BCAR3: variants seen among roughly 807,000 people sequenced by gnomAD.
BCAR3 encodes BCAR3 adaptor protein, NSP family member.
BCAR3 carries 37 observed loss-of-function variants against 80.1 expected under a neutral mutation model. The ratio of observed to expected loss-of-function variants is 0.46; its 90% CI spans 0.36 to 0.61. The LOEUF is 0.61. Ranked by LOEUF, BCAR3 falls within the 20% of genes least tolerant of loss-of-function variation. The pLI, the probability that BCAR3 is intolerant of heterozygous loss-of-function variation, is 0.00. For missense variants in BCAR3, 978 were observed against 1,068.2 expected (o/e 0.92, Z 1.18); for synonymous variants, 389 against 418.9 (o/e 0.93, Z 0.87).
chr1:93,704,054 T>A (rs1282310536), intron 3 of BCAR3, among the ~76,000 whole-genome samples: 1 of 152,210 alleles, frequency 6.6e-6, no homozygotes, highest in South Asian at 2.1e-4. Context: ...TAGTGGTATA[T>A]AGGACATTTC....
intron 2 of BCAR3, among the ~76,000 whole-genome samples, chr1:93,714,073 C>T (rs1650116483): frequency 6.6e-6 from 1 of 152,134 alleles, no homozygotes; most frequent in African/African-American, 2.4e-5. Context: ...AGCTCCGCCT[C>T]CTGGGTTCAT....
chr1:93,786,913 T>C (rs1652969349), intron 2 of BCAR3, among the ~76,000 whole-genome samples: 1 of 152,204 alleles, frequency 6.6e-6, no homozygotes, highest in Non-Finnish European at 1.5e-5. Flanking sequence ...TCTGGGCCAA[T>C]GTTCCTCCAA....
chr1:93,666,501 A>T (rs1439301314), intron 2 of BCAR3, among the ~76,000 whole-genome samples: 1 of 152,192 alleles, frequency 6.6e-6, no homozygotes, highest in Non-Finnish European at 1.5e-5. Context: ...GTAGTTACGT[A>T]CTTAATGATG....
At chr1:93,686,444 C>T (rs901498605), upstream of BCAR3, among the ~76,000 whole-genome samples, 14 of 152,164 alleles carry the variant, frequency 9.2e-5, no homozygotes, top group African/African-American at 3.4e-4. Context: ...GCAATGATAA[C>T]AATTACGATA....
intron 3 of BCAR3, chr1:93,605,332 C>T (rs2101871606): frequency 6.6e-6 from 1 of 152,334 alleles, no homozygotes; most frequent in East Asian, 1.9e-4. Context: ...CTGTGAAAAC[C>T]CTGTCTAAAC....
At chr1:93,566,551 G>C (rs370986833) in intron 11 of BCAR3, among the ~76,000 whole-genome samples, 1 of 152,072 alleles carries the variant, frequency 6.6e-6, no homozygotes, top group African/African-American at 2.4e-5. Context: ...ATCCGTTTAC[G>C]CAACACTGCC....
At chr1:93,709,813 A>G (rs1316786251) in intron 2 of BCAR3, among the ~76,000 whole-genome samples, 1 of 152,236 alleles carries the variant, frequency 6.6e-6, no homozygotes, top group African/African-American at 2.4e-5. Context: ...TATTAGGACT[A>G]GGGCTTTGCT....
intron 3 of BCAR3, chr1:93,613,996 G>A (rs1173257664): frequency 1.3e-5 from 20 of 1,542,798 alleles, no homozygotes; most frequent in African/African-American, 6.9e-5. Context: ...GGCTTCGGAC[G>A]TTAAAGCCCT....
chr1:93,567,214 C>T, intron 11 of BCAR3, 65 bp downstream of exon 11: 2 of 1,517,794 alleles, frequency 1.3e-6, no homozygotes, highest in Non-Finnish European at 1.8e-6. Flanking sequence ...CAGCCATGCT[C>T]TTCCATTCCT....
chr1:93,642,563 A>C (rs534445542), intron 2 of BCAR3, among the ~76,000 whole-genome samples: 36 of 152,334 alleles, frequency 2.4e-4, no homozygotes, highest in African/African-American at 8.7e-4. Flanking sequence ...TTCAGGCCCC[A>C]GAATGTTAGA....
At chr1:93,686,243 AAG>A (rs1648967984), upstream of BCAR3, among the ~76,000 whole-genome samples, 1 of 152,196 alleles carries the variant, frequency 6.6e-6, no homozygotes, top group South Asian at 2.1e-4. Flanking sequence ...AATAATTGAC[AAG>A]AGTTATTAAT....
At chr1:93,646,958 T>C (rs1345128604) in intron 2 of BCAR3, among the ~76,000 whole-genome samples, 1 of 152,230 alleles carries the variant, frequency 6.6e-6, no homozygotes, top group East Asian at 1.9e-4. Context: ...AATAAATGCT[T>C]ACAAACAAAC....
chr1:93,755,580 C>A (rs142111326), intron 2 of BCAR3, among the ~76,000 whole-genome samples: 65 of 152,308 alleles, frequency 4.3e-4, no homozygotes, highest in African/African-American at 1.4e-3. Context: ...AGCCTAGGAA[C>A]AATAGGCTAT....
At chr1:93,777,061 C>G (rs1351997285) in intron 2 of BCAR3, among the ~76,000 whole-genome samples, 1 of 152,028 alleles carries the variant, frequency 6.6e-6, no homozygotes, top group African/African-American at 2.4e-5. Context: ...GCCATGTGAC[C>G]ATGGAGGCAG....
At chr1:93,780,891 C>G (rs1289076278) in intron 2 of BCAR3, among the ~76,000 whole-genome samples, 1 of 152,218 alleles carries the variant, frequency 6.6e-6, no homozygotes, top group Non-Finnish European at 1.5e-5. Context: ...AATCTCAAAA[C>G]AGCCTTGTCC....
intron 9 of BCAR3, among the ~76,000 whole-genome samples, chr1:93,570,246 CAT>C (rs1283391007): frequency 2.6e-5 from 4 of 152,124 alleles, no homozygotes; most frequent in Non-Finnish European, 5.9e-5. Context: ...ACTTGCGGGA[CAT>C]GTGATTGTGG....
intron 2 of BCAR3, among the ~76,000 whole-genome samples, chr1:93,793,230 T>G (rs1185222364): frequency 3.4e-4 from 18 of 53,234 alleles, no homozygotes; most frequent in Non-Finnish European, 4.6e-4. Flanking sequence ...GAAGGAATGG[T>G]ACCAGTTCCT....
At chr1:93,814,169 G>A (rs183821996) in intron 2 of BCAR3, among the ~76,000 whole-genome samples, 14 of 152,294 alleles carry the variant, frequency 9.2e-5, no homozygotes, top group Admixed American at 5.2e-4. Context: ...TGGCCTCTTG[G>A]TGGAGGCTGT....
intron 2 of BCAR3, among the ~76,000 whole-genome samples, chr1:93,830,391 C>G (rs1432675961): frequency 6.6e-6 from 1 of 152,170 alleles, no homozygotes; most frequent in Non-Finnish European, 1.5e-5. Context: ...CCTGAAGTAA[C>G]TGAAGAATCA....
Sources: allele counts gnomAD v4.1 joint callset (sites outside exome capture counted in the v4.1 genomes callset), GRCh38; gene constraint gnomAD v4.1.1; transcripts MANE v1.5; gene names NCBI Gene and HGNC (gene_info 2026-07-23, HGNC 2026-07-21).